TOMM34: variants seen among roughly 807,000 people sequenced by gnomAD.
TOMM34 encodes translocase of outer mitochondrial membrane 34.
Under a neutral mutation model 37.4 loss-of-function variants are expected in TOMM34, and 24 were observed. The ratio of observed to expected loss-of-function variants is 0.64; its 90% CI spans 0.46 to 0.90. TOMM34 has a LOEUF of 0.90. Among genes scored for constraint, TOMM34 ranks in the 40% least tolerant of loss-of-function variants. TOMM34 has a pLI of 0.00. For missense variants in TOMM34, 304 were observed against 375.6 expected (o/e 0.81, Z 1.58); for synonymous variants, 154 against 148.9 (o/e 1.03, Z -0.25).
intron 1 of TOMM34, among the ~76,000 whole-genome samples, chr20:44,959,511 A>G (rs929576923): frequency 6.6e-6 from 1 of 152,160 alleles, no homozygotes; most frequent in Non-Finnish European, 1.5e-5. Context: ...CAACACCTCC[A>G]CAATAAATAA....
intron 6 of TOMM34, 55 bp from the exon 7 acceptor site, chr20:44,943,268 T>G: frequency 1.2e-6 from 2 of 1,606,300 alleles, no homozygotes; most frequent in South Asian, 2.2e-5. Context: ...GGGGTGGGGA[T>G]AGCTGCTGAG....
At chr20:44,958,600 C>T (rs879185561) in intron 1 of TOMM34, 11 of 213,594 alleles carry the variant, frequency 5.1e-5, no homozygotes, top group South Asian at 4.4e-4. Context: ...GAGCTCTCTT[C>T]GTGATCAAGA....
chr20:44,958,692 G>A (rs934401216), intron 1 of TOMM34: 12 of 167,526 alleles, frequency 7.2e-5, no homozygotes, highest in African/African-American at 2.6e-4. Context: ...TCCGGTCCTT[G>A]CTAAATCTAG....
chr20:44,946,630 T>C (rs1291423860), intron 5 of TOMM34, among the ~76,000 whole-genome samples: 1 of 152,170 alleles, frequency 6.6e-6, no homozygotes, highest in African/African-American at 2.4e-5. Flanking sequence ...GGCTGGCAAG[T>C]TGTAGGTGCT....
intron 5 of TOMM34, among the ~76,000 whole-genome samples, chr20:44,947,636 TC>T (rs2066991712): frequency 1.3e-5 from 2 of 152,046 alleles, no homozygotes; most frequent in African/African-American, 4.8e-5. Context: ...GTAGCTGAGA[TC>T]ACAGGCATGT....
chr20:44,954,748 T>C (rs2067055836), intron 3 of TOMM34, among the ~76,000 whole-genome samples: 1 of 152,178 alleles, frequency 6.6e-6, no homozygotes, highest in African/African-American at 2.4e-5. Flanking sequence ...GTGGGGTCTG[T>C]ATCTCTTTCT....
intron 6 of TOMM34, 37 bp from the exon 7 acceptor site, chr20:44,943,250 C>T: frequency 6.2e-7 from 1 of 1,611,594 alleles, no homozygotes; most frequent in South Asian, 1.1e-5. Flanking sequence ...GGGGAAGGTT[C>T]CCGGACTGGG....
chr20:44,960,345 G>A lies in TOMM34; in HGVS notation c.-12C>T. The A allele has an allele frequency of 6.4e-7, 1 of 1,558,012 alleles. No homozygotes were observed. The highest frequency in any genetic ancestry group is 8.7e-7 in the Non-Finnish European group (1 of 1,151,284). ...AATTTGGGGGCCATCCCGTGGCCAG[G>A]CCGGCGAGTTGGGAGCTCCTTCCTT... On this transcript the variant is annotated 5_prime_UTR_variant, in exon 1 of 7. Coordinates refer to ENST00000372813, the MANE Select transcript of TOMM34 (RefSeq NM_006809.5).
intron 4 of TOMM34, 103 bp downstream of exon 4, chr20:44,951,730 T>G (rs1601143892): frequency 7.2e-7 from 1 of 1,384,898 alleles, no homozygotes; most frequent in East Asian, 2.3e-5. Flanking sequence ...TTCCTAAGAT[T>G]ATTTTTATAA....
intron 6 of TOMM34, 30 bp downstream of exon 6, chr20:44,943,423 T>C (rs756672026): frequency 9.3e-6 from 15 of 1,613,978 alleles, no homozygotes; most frequent in Non-Finnish European, 1.3e-5. Flanking sequence ...GTAGCTATGT[T>C]GGGACCTTTT....
intron 1 of TOMM34, chr20:44,959,844 C>A (rs539882470): frequency 4.7e-6 from 4 of 844,966 alleles, no homozygotes; most frequent in Admixed American, 6.2e-5. Context: ...TCCTCCCCAC[C>A]GCCCCCACAA....
Position 44,952,731 on chromosome 20 carries a change from C to T in TOMM34, c.381-729G>A, listed in dbSNP as rs1471309512. On this transcript the variant is annotated intron_variant, in intron 3 of 6. Transcript: ENST00000372813. ...TATGTCACCTAGCAACCACCAAGGC[C>T]CAATCAGTTATGTGTTGAATGAGTG... The T allele has an allele frequency of 2.5e-5, 18 of 715,322 alleles. No individual in the cohort carries two copies. The East Asian group carries it at 4.8e-4, about 19-fold the overall frequency. 44.3% of individuals were successfully genotyped at this position (715,322 alleles called of 1,614,324 possible). A position where few individuals can be genotyped will look rare whatever the true frequency, so the allele number is the denominator to read the frequency against.
chr20:44,945,023 T>C (rs1189243785), intron 5 of TOMM34, among the ~76,000 whole-genome samples: 1 of 152,212 alleles, frequency 6.6e-6, no homozygotes, highest in African/African-American at 2.4e-5. Context: ...TTCTAGAACT[T>C]AATGGTTTCG....
chr20:44,951,821 G>A lies in TOMM34; in HGVS notation c.550+12C>T. On this transcript the variant is annotated intron_variant, in intron 4 of 6. Coordinates refer to ENST00000372813, the MANE Select transcript of TOMM34 (RefSeq NM_006809.5). ...GAGATTGCAAGACTCTGGGCAGGGA[G>A]TCACAGCTCACCTCTGTTCTTTGTA... The A allele has an allele frequency of 6.2e-7, 1 of 1,609,968 alleles. No individual in the cohort carries two copies. Among genetic ancestry groups the A allele is most frequent in the Non-Finnish European group, 8.5e-7 (1 of 1,177,478 alleles).
In TOMM34 at chr20:44,942,695, G is replaced by A. The variant is rs142006312; in HGVS notation, c.*414C>T. 4.3e-5 allele frequency: 9 copies of A among 211,404 alleles called. No homozygotes were observed. The highest frequency in any genetic ancestry group is 1.9e-4 in the African/African-American group (8 of 42,952). The allele number at this position is 211,404 out of a possible 1,614,324, so 13.1% of individuals were successfully genotyped here. ...AGGTTTATCCCCCTCCTTCCACCCCGGCCCAGGAGCTCAGGTTGTTCAGAT... is the reference window on the plus strand; with the variant it reads ...AGGTTTATCCCCCTCCTTCCACCCCAGCCCAGGAGCTCAGGTTGTTCAGAT... On this transcript the variant is annotated 3_prime_UTR_variant, in exon 7 of 7. Transcript: ENST00000372813.
intron 5 of TOMM34, among the ~76,000 whole-genome samples, chr20:44,944,229 T>A (rs1207360245): frequency 6.6e-6 from 1 of 152,256 alleles, no homozygotes; most frequent in African/African-American, 2.4e-5. Flanking sequence ...AAAAAAGTTA[T>A]GTGCATCCAT....
intron 4 of TOMM34, among the ~76,000 whole-genome samples, chr20:44,951,085 A>G (rs1453986894): frequency 6.6e-6 from 1 of 152,204 alleles, no homozygotes; most frequent in Non-Finnish European, 1.5e-5. Flanking sequence ...ACCTAATCAC[A>G]AAATCTCATC....
At chr20:44,947,609 C>T (rs1376267905) in intron 5 of TOMM34, among the ~76,000 whole-genome samples, 1 of 152,162 alleles carries the variant, frequency 6.6e-6, no homozygotes, top group Non-Finnish European at 1.5e-5. Context: ...AGTGATTCTC[C>T]TGCCTCAGCC....
Position 44,956,408 on chromosome 20 carries a change from C to G in TOMM34, c.205G>C (p.Asp69His). The G allele has an allele frequency of 6.2e-7, 1 of 1,614,186 alleles. No homozygotes were observed. The highest frequency in any genetic ancestry group is 8.5e-7 in the Non-Finnish European group (1 of 1,180,026). The change falls in exon 2 of 7, where the codon GAC (aspartate) becomes CAC (histidine). Residue 69 changes from aspartate (D) to histidine (H), a missense_variant. Asp to His is a moderately conservative substitution (Grantham distance 81). Coordinates refer to ENST00000372813, the MANE Select transcript of TOMM34 (RefSeq NM_006809.5). ...ACHLKDGNCR[D>H]CIKDCTSALA... ...TACGAAGTGCAATCTTTGATGCAGT[C>G]TCTGCAGTTTCCATCCTTCAAGTGA...
Sources: allele counts gnomAD v4.1 joint callset (sites outside exome capture counted in the v4.1 genomes callset), GRCh38; gene constraint gnomAD v4.1.1; transcripts MANE v1.5; gene names NCBI Gene and HGNC (gene_info 2026-07-23, HGNC 2026-07-21).